The following RHBDL1 variants were observed in gnomAD, a reference collection of about 807,000 sequenced individuals.
RHBDL1 encodes rhomboid like 1, also known as rhomboid-related protein 1.
In RHBDL1, 21 loss-of-function variants were observed where a neutral mutation model predicts 34.0. The ratio of observed to expected loss-of-function variants is 0.62; its 90% CI spans 0.44 to 0.89. The LOEUF (loss-of-function observed/expected upper bound fraction) is 0.89, where lower values mean the gene tolerates loss of function less well. Among genes scored for constraint, RHBDL1 ranks in the 40% least tolerant of loss-of-function variants. The pLI is 0.00. For synonymous variants in RHBDL1, 268 were observed against 234.8 expected (o/e 1.14, Z -1.29); for missense variants, 450 against 530.6 (o/e 0.85, Z 1.49).
Position 676,345 on chromosome 16 carries a change from C to T in RHBDL1, c.49C>T (p.Pro17Ser). The change falls in exon 2 of 8, where the codon CCC becomes TCC. Residue 17 changes from proline (P) to serine (S), a missense_variant. Coordinates refer to ENST00000352681, the MANE Select transcript of RHBDL1 (RefSeq NM_001278720.2). This position sits in a 1 kb window ranked among gnomAD's most constrained non-coding sequence, Gnocchi z 6.9. ...CGGCTCCTCACTGCAGCAGCTGGACCCCGAGAACACAGGCTTCATCGGTGC... is the reference window on the plus strand; with the variant it reads ...CGGCTCCTCACTGCAGCAGCTGGACTCCGAGAACACAGGCTTCATCGGTGC... ...LQLIQEQQLD[P>S]ENTGFIGADT... 1 of 1,610,352 alleles carries T rather than the reference C, an allele frequency of 6.2e-7. No homozygotes were observed. Among genetic ancestry groups the T allele is most frequent in the Non-Finnish European group, 8.5e-7 (1 of 1,179,146 alleles).
Position 676,436 on chromosome 16 carries a change from T to A in RHBDL1, c.140T>A (p.Leu47Gln). 6.2e-7 allele frequency: 1 copy of A among 1,606,046 alleles called. No homozygotes were observed. The highest frequency in any genetic ancestry group is 8.5e-7 in the Non-Finnish European group (1 of 1,178,298). The change falls in exon 2 of 8, where the codon CTG (leucine) becomes CAG (glutamine). Residue 47 changes from leucine to glutamine, a missense_variant. Coordinates refer to ENST00000352681, the MANE Select transcript of RHBDL1 (RefSeq NM_001278720.2). The surrounding 1 kb of genome is among the most constrained non-coding windows in gnomAD (Gnocchi z 6.9). The part of the protein sequence containing the change: ...LPLDPAKLDM[L>Q]VALAQSNEQG... ...CTGGACCCGGCCAAGCTGGACATGCTGGTGGCCCTGGCTCAGAGCAACGAG... is the reference window on the plus strand; with the variant it reads ...CTGGACCCGGCCAAGCTGGACATGCAGGTGGCCCTGGCTCAGAGCAACGAG...
In RHBDL1 at chr16:678,134, A is replaced by T. The variant is rs530511237; in HGVS notation, c.*82A>T. On this transcript the variant is annotated 3_prime_UTR_variant, in exon 8 of 8. Coordinates refer to ENST00000352681, the MANE Select transcript of RHBDL1 (RefSeq NM_001278720.2). Reference sequence around the variant, plus strand: ...GGGCCTTCACGTCTGCCCTTTGTGAACGGACGTCTCAGGGCTGCTGTGCCC... The same window carrying T: ...GGGCCTTCACGTCTGCCCTTTGTGATCGGACGTCTCAGGGCTGCTGTGCCC... 6.2e-6 allele frequency: 9 copies of T among 1,441,568 alleles called. No individual in the cohort carries two copies. The South Asian group carries it at 1.3e-4, about 21-fold the overall frequency. 89.3% of individuals were successfully genotyped at this position (1,441,568 alleles called of 1,614,324 possible).
chr16:677,254 C>T (rs140321062), intron 4 of RHBDL1, 22 bp from the exon 5 acceptor site: 5 of 1,559,174 alleles, frequency 3.2e-6, no homozygotes, highest in Middle Eastern at 3.3e-4. Flanking sequence ...CCCTTCGTAC[C>T]CGTTTGCTTC....
In RHBDL1 at chr16:677,378, C is replaced by T. The variant is rs768953134; in HGVS notation, c.678C>T (p.Gly226=). The T allele has an allele frequency of 1.3e-5, 21 of 1,573,442 alleles. No individual in the cohort carries two copies. The highest frequency in any genetic ancestry group is 8.1e-5 in the African/African-American group (6 of 73,954). The change falls in exon 5 of 8, where the codon GGC becomes GGT. Residue 226 remains glycine (G), a synonymous_variant. Coordinates refer to ENST00000352681, the MANE Select transcript of RHBDL1 (RefSeq NM_001278720.2). ...GCATCAGCCTGCTCTACCTGGCAGG[C>T]GTGCTGGCAGGTGAGGCAGGCGCGC... ...LLRISLLYLA[G]VLAGSLTVSI...
At position 676,021 on chromosome 16, in the gene RHBDL1, G is replaced by A. The variant is rs1346360766; in HGVS notation, c.39+192G>A. ...GGACCAGAGCTCCTGGCTGGAGAAG[G>A]GAGAGTCGGGGGGAGGGAGGGAGGG... On this transcript the variant is annotated intron_variant, in intron 1 of 7. Coordinates refer to ENST00000352681, the MANE Select transcript of RHBDL1 (RefSeq NM_001278720.2). The surrounding 1 kb of genome is among the most constrained non-coding windows in gnomAD (Gnocchi z 6.9). 2 of 1,431,528 alleles carry A rather than the reference G, an allele frequency of 1.4e-6. No homozygotes were observed. Among genetic ancestry groups the A allele is most frequent in the Non-Finnish European group, 1.8e-6 (2 of 1,087,252 alleles). The allele number at this position is 1,431,528 out of a possible 1,614,324, so 88.7% of individuals were successfully genotyped here. A position where few individuals can be genotyped will look rare whatever the true frequency, so the allele number is the denominator to read the frequency against.
In RHBDL1 at chr16:676,124, GAAC is replaced by G; in HGVS notation, c.40-208_40-206del. 1.4e-6 allele frequency: 2 copies of G among 1,456,522 alleles called. No homozygotes were observed. Among genetic ancestry groups the G allele is most frequent in the Non-Finnish European group, 1.8e-6 (2 of 1,100,484 alleles). The allele number at this position is 1,456,522 out of a possible 1,614,324, so 90.2% of individuals were successfully genotyped here. A position where few individuals can be genotyped will look rare whatever the true frequency, so the allele number is the denominator to read the frequency against. On this transcript the variant is annotated intron_variant, in intron 1 of 7. Transcript: ENST00000352681. This position sits in a 1 kb window ranked among gnomAD's most constrained non-coding sequence, Gnocchi z 6.9. ...AGGATGGGTAGGGTGGAAGACGGGG[GAAC>G]AACTGAGGAGCTGGAGGACTGGGAC... is the stretch of plus-strand genomic sequence containing the variant.
At position 677,635 on chromosome 16, in the gene RHBDL1, A is replaced by C. The variant is rs770314702; in HGVS notation, c.790-4A>C. The C allele has an allele frequency of 6.3e-7, 1 of 1,590,508 alleles. No individual in the cohort carries two copies. The highest frequency in any genetic ancestry group is 8.6e-7 in the Non-Finnish European group (1 of 1,167,030). ...CACCACTTCTCGTCTGCACACACCC[A>C]TAGAACTGGGCTGGGATGAGATGTC... is the stretch of plus-strand genomic sequence containing the variant. On this transcript the variant is annotated splice_region_variant and splice_polypyrimidine_tract_variant and intron_variant, in intron 6 of 7. Transcript: ENST00000352681.
chr16:676,031 GGGGAGGGA>G lies in RHBDL1; in HGVS notation c.39+222_39+229del, dbSNP rs561817432. On this transcript the variant is annotated intron_variant, in intron 1 of 7. Coordinates refer to ENST00000352681, the MANE Select transcript of RHBDL1 (RefSeq NM_001278720.2). The surrounding 1 kb of genome is among the most constrained non-coding windows in gnomAD (Gnocchi z 6.9). The stretch of plus-strand genomic sequence containing the variant: ...TCCTGGCTGGAGAAGGGAGAGTCGG[GGGGAGGGA>G]GGGAGGGAGGGAGGGAGGGCGGGCA... The G allele has an allele frequency of 7.2e-4, 1,004 of 1,388,280 alleles. 13 individuals carry two copies. The South Asian group carries it at 8.6e-3, about 12-fold the overall frequency. The allele number at this position is 1,388,280 out of a possible 1,614,324, so 86.0% of individuals were successfully genotyped here. A position where few individuals can be genotyped will look rare whatever the true frequency, so the allele number is the denominator to read the frequency against.
In RHBDL1 at chr16:676,985, G is replaced by A. The variant is rs1284398044; in HGVS notation, c.441G>A (p.Leu147=). 1.2e-6 allele frequency: 2 copies of A among 1,612,560 alleles called. No individual in the cohort carries two copies. The highest frequency in any genetic ancestry group is 3.3e-5 in the Admixed American group (2 of 60,004). Reference sequence around the variant, plus strand: ...CGTGTCCCCAGATCATCGTGTTCCTGTGTTACGGGGCCCGCCTCAACAAGT... The same window carrying A: ...CGTGTCCCCAGATCATCGTGTTCCTATGTTACGGGGCCCGCCTCAACAAGT... ...SVTLAQIIVF[L]CYGARLNKWV... The change falls in exon 4 of 8, where the codon CTG becomes CTA. Residue 147 remains leucine (L), a synonymous_variant. Coordinates refer to ENST00000352681, the MANE Select transcript of RHBDL1 (RefSeq NM_001278720.2). This position sits in a 1 kb window ranked among gnomAD's most constrained non-coding sequence, Gnocchi z 6.9.
chr16:676,220 C>T lies in RHBDL1; in HGVS notation c.40-116C>T. 6.5e-7 allele frequency: 1 copy of T among 1,543,944 alleles called. No homozygotes were observed. The highest frequency in any genetic ancestry group is 8.7e-7 in the Non-Finnish European group (1 of 1,143,154). ...CCCAGGGAACAGACAGGCACGGGGCCCCTGTCCCAAAAGTGCTGGGAGCCT... is the reference window on the plus strand; with the variant it reads ...CCCAGGGAACAGACAGGCACGGGGCTCCTGTCCCAAAAGTGCTGGGAGCCT... On this transcript the variant is annotated intron_variant, in intron 1 of 7. Transcript: ENST00000352681. This position sits in a 1 kb window ranked among gnomAD's most constrained non-coding sequence, Gnocchi z 6.9.
rs578122354 is a variant in RHBDL1, at chr16:676,912, G to A, written c.426+16G>A. 15 of 1,611,022 alleles carry A rather than the reference G, an allele frequency of 9.3e-6. No individual in the cohort carries two copies. Among genetic ancestry groups the A allele is most frequent in the Admixed American group, 3.3e-5 (2 of 59,910 alleles). ...TCTTGCCCAGGTGGGCCCCCCGGCC[G>A]CTGCCCCGGGAGCCTCCCGCGCTCC... On this transcript the variant is annotated intron_variant, in intron 3 of 7. Transcript: ENST00000352681. The surrounding 1 kb of genome is among the most constrained non-coding windows in gnomAD (Gnocchi z 6.9).
In RHBDL1 at chr16:676,599, G is replaced by A. The variant is rs1203157924; in HGVS notation, c.202-73G>A. Reference sequence around the variant, plus strand: ...GTGGGTGGGGGGCTTGTGGATGCGGGGAGCTGGGTGAGCCTCACAGGCAGG... The same window carrying A: ...GTGGGTGGGGGGCTTGTGGATGCGGAGAGCTGGGTGAGCCTCACAGGCAGG... On this transcript the variant is annotated intron_variant, in intron 2 of 7. Transcript: ENST00000352681. The surrounding 1 kb of genome is among the most constrained non-coding windows in gnomAD (Gnocchi z 6.9). 4 of 1,583,616 alleles carry A rather than the reference G, an allele frequency of 2.5e-6. No individual in the cohort carries two copies. In the Admixed American group the frequency reaches 6.7e-5, roughly 27 times the overall value.
chr16:677,232 TG>T, intron 4 of RHBDL1, 43 bp from the exon 5 acceptor site: 1 of 1,553,136 alleles, frequency 6.4e-7, no homozygotes, highest in Non-Finnish European at 8.7e-7. Context: ...TGGGGCCGGA[TG>T]GCTGACCCCA....
Position 676,278 on chromosome 16 carries a change from C to T in RHBDL1, c.40-58C>T, listed in dbSNP as rs2039541618. 8 of 1,580,552 alleles carry T rather than the reference C, an allele frequency of 5.1e-6. No homozygotes were observed. The East Asian group carries it at 1.4e-4, about 28-fold the overall frequency. The stretch of plus-strand genomic sequence containing the variant: ...ATGCTCCCAGCCAGCCTGGCCCAGC[C>T]CTTTGGTCCAGGGGTCGGGCCCGCA... On this transcript the variant is annotated intron_variant, in intron 1 of 7. Coordinates refer to ENST00000352681, the MANE Select transcript of RHBDL1 (RefSeq NM_001278720.2). The surrounding 1 kb of genome is among the most constrained non-coding windows in gnomAD (Gnocchi z 6.9).
chr16:677,157 C>G (rs1183669598), intron 4 of RHBDL1, 38 bp downstream of exon 4: 3 of 1,583,542 alleles, frequency 1.9e-6, no homozygotes, highest in African/African-American at 1.3e-5. Context: ...CCGCCCCAAC[C>G]TGCCATTACA....
At position 677,910 on chromosome 16, in the gene RHBDL1, TGCGGAGCTAC is replaced by T; in HGVS notation, c.982_991del (p.Tyr330AlafsTer?). ...GGGGTGAGCATGGGCCTGACCATCC[TGCGGAGCTAC>T]GAGGAGCGCCTGCGGGACCAGTGCG... On this transcript the variant is annotated frameshift_variant, in exon 8 of 8. Coordinates refer to ENST00000352681, the MANE Select transcript of RHBDL1 (RefSeq NM_001278720.2). LOFTEE classifies it low-confidence loss of function (END_TRUNC). The T allele has an allele frequency of 6.2e-7, 1 of 1,602,890 alleles. No individual in the cohort carries two copies.
chr16:677,804 G>A lies in RHBDL1; in HGVS notation c.874G>A (p.Val292Met), dbSNP rs750643888. 14 of 1,557,534 alleles carry A rather than the reference G, an allele frequency of 9.0e-6. No individual in the cohort carries two copies. Among genetic ancestry groups the A allele is most frequent in the Admixed American group, 3.6e-5 (2 of 55,446 alleles). ...VCMSSEVGRAVWLRFSPPLPA... is the reference protein window; with the variant it reads ...VCMSSEVGRAMWLRFSPPLPA... The stretch of plus-strand genomic sequence containing the variant: ...AGTGAGCTCCGAGGTGGGCCGGGCC[G>A]TGTGGCTGCGCTTCTCCCCGCCGCT... Residue 292 changes from valine to methionine, a missense_variant, in exon 8 of 8, where the codon GTG becomes ATG. Physicochemically the swap from Val to Met is conservative, Grantham distance 21. Coordinates refer to ENST00000352681, the MANE Select transcript of RHBDL1 (RefSeq NM_001278720.2).
rs1436700798 is a variant in RHBDL1 at position 675,799 on chromosome 16, GA to G, written c.10del (p.Ser4AlafsTer64). 1 of 1,509,614 alleles carries G rather than the reference GA, an allele frequency of 6.6e-7. No individual in the cohort carries two copies. The highest frequency in any genetic ancestry group is 8.8e-7 in the Non-Finnish European group (1 of 1,132,998). The allele number at this position is 1,509,614 out of a possible 1,614,324, so 93.5% of individuals were successfully genotyped here. A position where few individuals can be genotyped will look rare whatever the true frequency, so the allele number is the denominator to read the frequency against. ...GCCCCCGGCCAGGCTCTATGGACAG[GA>G]GCTCGCTGCTGCAGCTCATCCAGGA... MDR[S>X]SLLQLIQEQQ... On this transcript the variant is annotated frameshift_variant, in exon 1 of 8. Coordinates refer to ENST00000352681, the MANE Select transcript of RHBDL1 (RefSeq NM_001278720.2). LOFTEE classifies it high-confidence loss of function.
At position 678,121 on chromosome 16, in the gene RHBDL1, C is replaced by T. The variant is rs541927721; in HGVS notation, c.*69C>T. 3.4e-6 allele frequency: 5 copies of T among 1,464,202 alleles called. No homozygotes were observed. The East Asian group carries it at 1.2e-4, about 36-fold the overall frequency. 90.7% of individuals were successfully genotyped at this position (1,464,202 alleles called of 1,614,324 possible). On this transcript the variant is annotated 3_prime_UTR_variant, in exon 8 of 8. Coordinates refer to ENST00000352681, the MANE Select transcript of RHBDL1 (RefSeq NM_001278720.2). The stretch of plus-strand genomic sequence containing the variant: ...GGCCGCCCACCAGGGGCCTTCACGT[C>T]TGCCCTTTGTGAACGGACGTCTCAG...
Sources: allele counts gnomAD v4.1 joint callset, GRCh38; gene constraint gnomAD v4.1.1; non-coding constraint Gnocchi (gnomAD v3.1); transcripts MANE v1.5; gene names NCBI Gene and HGNC (gene_info 2026-07-23, HGNC 2026-07-21).